The following ANXA2 variants were observed in gnomAD, a reference collection of about 807,000 sequenced individuals.
ANXA2 encodes annexin II.
In ANXA2, 28 loss-of-function variants were observed where a neutral mutation model predicts 47.3. That is an observed-to-expected ratio of 0.59 (90% CI 0.44 to 0.81). ANXA2 has a LOEUF of 0.81. ANXA2 is among the 40% of genes least tolerant of loss of function. The pLI is 0.00. For missense variants in ANXA2, 384 were observed against 414.3 expected, an observed-to-expected ratio of 0.93 and a Z score of 0.64; for synonymous variants, 172 against 155.5, an observed-to-expected ratio of 1.11 and a Z score of -0.79.
chr15:60,369,002 G>C (rs985378763), intron 3 of ANXA2, among the ~76,000 whole-genome samples: 1 of 152,108 alleles, frequency 6.6e-6, no homozygotes. Flanking sequence ...TTCATAAGTG[G>C]AGGCTCTAAA....
At chr15:60,382,471 GAC>G (rs1194097289) in intron 2 of ANXA2, 30 bp from the exon 3 acceptor site, 2 of 1,467,838 alleles carry the variant, frequency 1.4e-6, no homozygotes, top group Non-Finnish European at 1.9e-6. Flanking sequence ...ATACTCAAAT[GAC>G]ACACATTTAA....
intron 11 of ANXA2, among the ~76,000 whole-genome samples, chr15:60,350,548 C>T (rs1895962210): frequency 6.6e-6 from 1 of 152,126 alleles, no homozygotes; most frequent in Non-Finnish European, 1.5e-5. Context: ...GCAGCACAGA[C>T]AAGGGAGATG....
At chr15:60,389,219 G>A (rs1566950198) in intron 1 of ANXA2, among the ~76,000 whole-genome samples, 1 of 152,202 alleles carries the variant, frequency 6.6e-6, no homozygotes, top group Non-Finnish European at 1.5e-5. Flanking sequence ...AATAAAAAAT[G>A]CCAAACGTAA....
chr15:60,359,089 T>A (rs1006900767), intron 5 of ANXA2, among the ~76,000 whole-genome samples: 14 of 152,212 alleles, frequency 9.2e-5, no homozygotes, highest in African/African-American at 3.4e-4. Context: ...GATTTTTTTT[T>A]AAGCATAGTT....
At chr15:60,375,473 T>A (rs1005632322) in intron 3 of ANXA2, among the ~76,000 whole-genome samples, 1 of 152,206 alleles carries the variant, frequency 6.6e-6, no homozygotes, top group African/African-American at 2.4e-5. Flanking sequence ...TTCTAGTTAT[T>A]TGGACCCATA....
Position 60,352,522 on chromosome 15 carries a change from A to G in ANXA2, c.589-46T>C, listed in dbSNP as rs766981748. ...GAAAAGTTAACTACACATCCAATGT[A>G]ACGTCAAAAAAAATGTCATGCAAAA... On this transcript the variant is annotated intron_variant, in intron 8 of 12. Transcript: ENST00000451270. This position sits in a 1 kb window ranked among gnomAD's most constrained non-coding sequence, Gnocchi z 4.2. 1 of 1,367,756 alleles carries G rather than the reference A, an allele frequency of 7.3e-7. No homozygotes were observed. The highest frequency in any genetic ancestry group is 2.1e-5 in the Admixed American group (1 of 48,102). 84.7% of individuals were successfully genotyped at this position (1,367,756 alleles called of 1,614,324 possible).
At chr15:60,380,121 T>C (rs1318483833) in intron 3 of ANXA2, among the ~76,000 whole-genome samples, 2 of 152,198 alleles carry the variant, frequency 1.3e-5, no homozygotes, top group Admixed American at 6.5e-5. Flanking sequence ...GCAAACCACA[T>C]GGATGTGTAT....
rs1416169224 is a variant in ANXA2, at chr15:60,352,358, G to A, written c.682+25C>T. The A allele has an allele frequency of 6.3e-7, 1 of 1,580,180 alleles. No homozygotes were observed. Among genetic ancestry groups the A allele is most frequent in the African/African-American group, 1.3e-5 (1 of 74,092 alleles). ...GCCCCAGCCAGGGCCCCAAGGCACT[G>A]AGACTCCCTCAGCACAGTGCCCACC... On this transcript the variant is annotated intron_variant, in intron 9 of 12. Coordinates refer to ENST00000451270, the MANE Select transcript of ANXA2 (RefSeq NM_004039.3). This position sits in a 1 kb window ranked among gnomAD's most constrained non-coding sequence, Gnocchi z 4.2.
At position 60,352,551 on chromosome 15, in the gene ANXA2, AC is replaced by A. The variant is rs2062366286; in HGVS notation, c.589-76del. 1.8e-6 allele frequency: 2 copies of A among 1,092,070 alleles called. No homozygotes were observed. Among genetic ancestry groups the A allele is most frequent in the East Asian group, 5.0e-5 (2 of 40,402 alleles). The allele number at this position is 1,092,070 out of a possible 1,614,324, so 67.6% of individuals were successfully genotyped here. The stretch of plus-strand genomic sequence containing the variant: ...TCAAAAAAAATGTCATGCAAAAAAA[AC>A]AAAAAAAGCTACACATTCAAAATGC... On this transcript the variant is annotated intron_variant, in intron 8 of 12. Transcript: ENST00000451270. This position sits in a 1 kb window ranked among gnomAD's most constrained non-coding sequence, Gnocchi z 4.2.
At chr15:60,359,213 C>T (rs1016252471) in intron 5 of ANXA2, among the ~76,000 whole-genome samples, 7 of 152,120 alleles carry the variant, frequency 4.6e-5, no homozygotes, top group African/African-American at 1.7e-4. Context: ...TTCCATTGGG[C>T]CCAATTACAT....
chr15:60,373,827 T>A lies in ANXA2; in HGVS notation c.148+8515A>T, dbSNP rs541312585. On this transcript the variant is annotated intron_variant, in intron 3 of 12. Coordinates refer to ENST00000451270, the MANE Select transcript of ANXA2 (RefSeq NM_004039.3). ...CTACTGCCTTCATTCAGCTTCTCTG[T>A]CACAAGCCTGGCCCCTGCCTGCATT... is the stretch of plus-strand genomic sequence containing the variant. Among the ~76,000 whole-genome samples the A allele has an allele frequency of 2.0e-4, 30 of 152,366 alleles. No individual in the cohort carries two copies. In the East Asian group the frequency reaches 5.0e-3, roughly 25 times the overall value.
intron 3 of ANXA2, among the ~76,000 whole-genome samples, chr15:60,376,785 C>T (rs968839936): frequency 5.3e-5 from 8 of 152,314 alleles, no homozygotes; most frequent in African/African-American, 9.6e-5. Context: ...CTACCCTCCT[C>T]GCCATCATCC....
At chr15:60,397,097 A>C (rs1170896442) in intron 1 of ANXA2, among the ~76,000 whole-genome samples, 4 of 152,040 alleles carry the variant, frequency 2.6e-5, no homozygotes, top group Non-Finnish European at 2.9e-5. Flanking sequence ...GGCTGATGGA[A>C]CCCAAGCCCT....
intron 12 of ANXA2, among the ~76,000 whole-genome samples, chr15:60,347,931 G>C (rs1007298006): frequency 1.3e-5 from 2 of 152,214 alleles, no homozygotes; most frequent in African/African-American, 4.8e-5. Flanking sequence ...AGGACTGTGG[G>C]GTGGAGGGAG....
chr15:60,368,650 G>C (rs1307166112), intron 3 of ANXA2, among the ~76,000 whole-genome samples: 1 of 151,840 alleles, frequency 6.6e-6, no homozygotes, highest in East Asian at 1.9e-4. Flanking sequence ...AAAATACCTA[G>C]AAGTCTCTAT....
chr15:60,387,446 G>A (rs768520423), intron 1 of ANXA2, among the ~76,000 whole-genome samples: 13 of 152,186 alleles, frequency 8.5e-5, no homozygotes, highest in African/African-American at 1.4e-4. Context: ...TTCAGACATG[G>A]AATATTATTC....
At chr15:60,389,387 T>A (rs1364662189) in intron 1 of ANXA2, among the ~76,000 whole-genome samples, 1 of 152,194 alleles carries the variant, frequency 6.6e-6, no homozygotes, top group Non-Finnish European at 1.5e-5. Flanking sequence ...TAACTTTTCA[T>A]TGTGTTGTTC....
chr15:60,352,347 C>T lies in ANXA2; in HGVS notation c.682+36G>A. 1 of 1,517,444 alleles carries T rather than the reference C, an allele frequency of 6.6e-7. No individual in the cohort carries two copies. Among genetic ancestry groups the T allele is most frequent in the Non-Finnish European group, 9.1e-7 (1 of 1,098,078 alleles). The allele number at this position is 1,517,444 out of a possible 1,614,324, so 94.0% of individuals were successfully genotyped here. ...TCCACCCAGCCGCCCCAGCCAGGGC[C>T]CCAAGGCACTGAGACTCCCTCAGCA... On this transcript the variant is annotated intron_variant, in intron 9 of 12. Transcript: ENST00000451270. The surrounding 1 kb of genome is among the most constrained non-coding windows in gnomAD (Gnocchi z 4.2).
chr15:60,387,752 A>G (rs146802113), intron 1 of ANXA2, among the ~76,000 whole-genome samples: 6 of 152,354 alleles, frequency 3.9e-5, no homozygotes, highest in South Asian at 2.1e-4. Flanking sequence ...CGATGTGTCA[A>G]TGTAGGTTCA....
Sources: allele counts gnomAD v4.1 joint callset (sites outside exome capture counted in the v4.1 genomes callset), GRCh38; gene constraint gnomAD v4.1.1; non-coding constraint Gnocchi (gnomAD v3.1); transcripts MANE v1.5; gene names NCBI Gene and HGNC (gene_info 2026-07-23, HGNC 2026-07-21).